Variants in GPR158 observed in about 807,000 individuals in gnomAD.
The protein encoded by GPR158 is metabotropic glycine receptor.
In GPR158, 30 loss-of-function variants were observed where a neutral mutation model predicts 78.2. That is an observed-to-expected ratio of 0.38 (90% confidence interval 0.29 to 0.52). GPR158 has a LOEUF of 0.52. GPR158 is among the 20% of genes least tolerant of loss of function. The pLI is 0.83. For synonymous variants in GPR158, 581 were observed against 591.1 expected (o/e 0.98, Z 0.25); for missense variants, 1,463 against 1,523.5 (o/e 0.96, Z 0.66).
At chr10:25,236,950 A>G (rs1336496106) in intron 2 of GPR158, among the ~76,000 whole-genome samples, 1 of 152,214 alleles carries the variant, frequency 6.6e-6, no homozygotes, top group Non-Finnish European at 1.5e-5. Flanking sequence ...ATCTTCAAAG[A>G]CATCCTAGAA....
chr10:25,440,912 C>T (rs796855396), intron 4 of GPR158, among the ~76,000 whole-genome samples: 7 of 152,208 alleles, frequency 4.6e-5, no homozygotes, highest in South Asian at 2.1e-4. Flanking sequence ...ATTTTTAGCT[C>T]TAGGACCCAA....
At chr10:25,378,286 G>T (rs1834110517) in intron 2 of GPR158, among the ~76,000 whole-genome samples, 1 of 152,034 alleles carries the variant, frequency 6.6e-6, no homozygotes, top group Non-Finnish European at 1.5e-5. Context: ...TCTATTAATT[G>T]TGCTTGTTTT....
intron 2 of GPR158, among the ~76,000 whole-genome samples, chr10:25,351,417 A>C (rs1855468400): frequency 7.3e-6 from 1 of 137,820 alleles, no homozygotes; most frequent in Non-Finnish European, 1.5e-5. Context: ...ATCCTGGGGA[A>C]CTGGAGTTGG....
chr10:25,422,851 C>CCA (rs35631992), intron 4 of GPR158, among the ~76,000 whole-genome samples: 1,756 of 20,668 alleles, frequency 0.085, 19 homozygotes, highest in Non-Finnish European at 0.24. Flanking sequence ...TATTCCCTTA[C>CCA]CCCCCCCACA....
chr10:25,592,413 A>G (rs555461473), intron 8 of GPR158, among the ~76,000 whole-genome samples: 107 of 152,086 alleles, frequency 7.0e-4, no homozygotes, highest in Admixed American at 7.9e-4. Context: ...CAAGACTTTT[A>G]AGTGTGTTTA....
At chr10:25,406,859 G>A (rs112281791) in intron 3 of GPR158, among the ~76,000 whole-genome samples, 1 of 152,112 alleles carries the variant, frequency 6.6e-6, no homozygotes, top group Non-Finnish European at 1.5e-5. Flanking sequence ...CTATCATAAA[G>A]ATCATTAAGA....
intron 6 of GPR158, among the ~76,000 whole-genome samples, chr10:25,571,143 C>A (rs1054107851): frequency 6.6e-6 from 1 of 152,060 alleles, no homozygotes; most frequent in African/African-American, 2.4e-5. Flanking sequence ...ATGGATGGCA[C>A]TTAATATATT....
At chr10:25,406,271 A>G (rs189402201) in intron 3 of GPR158, among the ~76,000 whole-genome samples, 251 of 152,282 alleles carry the variant, frequency 1.6e-3, no homozygotes, top group African/African-American at 5.8e-3. Context: ...TAGTTGCTGC[A>G]TAAATATTCC....
chr10:25,361,262 G>T (rs1855635192), intron 2 of GPR158, among the ~76,000 whole-genome samples: 1 of 151,784 alleles, frequency 6.6e-6, no homozygotes, highest in Admixed American at 6.6e-5. Flanking sequence ...CATATGATGG[G>T]ATTTCCTTCT....
chr10:25,515,847 T>C (rs2130675142), intron 5 of GPR158, among the ~76,000 whole-genome samples: 1 of 150,410 alleles, frequency 6.6e-6, no homozygotes, highest in East Asian at 2.0e-4. Context: ...CATGTGTCTT[T>C]ATAGCAGCAT....
intron 2 of GPR158, among the ~76,000 whole-genome samples, chr10:25,255,512 C>T (rs529918203): frequency 3.3e-5 from 5 of 152,336 alleles, no homozygotes; most frequent in Admixed American, 6.5e-5. Flanking sequence ...TTATCAGGAG[C>T]TTGGAGTCCC....
At chr10:25,493,890 G>A (rs1387277683) in intron 5 of GPR158, among the ~76,000 whole-genome samples, 1 of 152,164 alleles carries the variant, frequency 6.6e-6, no homozygotes, top group African/African-American at 2.4e-5. Flanking sequence ...AGGTGATTTT[G>A]TAGTTATTTG....
chr10:25,189,428 C>A (rs1475866683), intron 1 of GPR158, among the ~76,000 whole-genome samples: 1 of 152,106 alleles, frequency 6.6e-6, no homozygotes, highest in Non-Finnish European at 1.5e-5. Context: ...AAATGTGGCA[C>A]ATATACACCA....
intron 5 of GPR158, among the ~76,000 whole-genome samples, chr10:25,471,282 A>G (rs1406692212): frequency 6.6e-6 from 1 of 152,196 alleles, no homozygotes. Flanking sequence ...TGTGAAGGAC[A>G]TGAACTCATC....
intron 1 of GPR158, among the ~76,000 whole-genome samples, chr10:25,212,335 G>T (rs1382168640): frequency 6.6e-6 from 1 of 152,096 alleles, no homozygotes; most frequent in African/African-American, 2.4e-5. Context: ...GCGAAGCGGG[G>T]TGTGCTACAC....
chr10:25,235,210 G>A (rs1001948091), intron 2 of GPR158, among the ~76,000 whole-genome samples: 5 of 152,104 alleles, frequency 3.3e-5, no homozygotes, highest in African/African-American at 7.2e-5. Flanking sequence ...TGGTAGTCTG[G>A]TCTTTTTGGT....
intron 4 of GPR158, among the ~76,000 whole-genome samples, chr10:25,413,637 C>T (rs1178993904): frequency 6.6e-6 from 1 of 151,988 alleles, no homozygotes; most frequent in African/African-American, 2.4e-5. Flanking sequence ...ATAAAGTGTT[C>T]CCATTAGAAA....
At chr10:25,198,186 G>A (rs1023006291) in intron 1 of GPR158, among the ~76,000 whole-genome samples, 1 of 152,176 alleles carries the variant, frequency 6.6e-6, no homozygotes, top group African/African-American at 2.4e-5. Flanking sequence ...CATGCTGATT[G>A]AGCTTACTTC....
At chr10:25,385,030 A>G (rs1467937091) in intron 2 of GPR158, among the ~76,000 whole-genome samples, 1 of 152,268 alleles carries the variant, frequency 6.6e-6, no homozygotes, top group East Asian at 1.9e-4. Context: ...CAATTTGGTA[A>G]TGTTATTTAT....
Sources: allele counts gnomAD v4.1 joint callset (sites outside exome capture counted in the v4.1 genomes callset), GRCh38; gene constraint gnomAD v4.1.1; transcripts MANE v1.5; gene names NCBI Gene and HGNC (gene_info 2026-07-23, HGNC 2026-07-21).